The following ATP9B variants were observed in gnomAD, a reference collection of about 807,000 sequenced individuals.
ATP9B encodes the protein probable phospholipid-transporting ATPase IIB.
In ATP9B, 110 loss-of-function variants were observed where a neutral mutation model predicts 146.1. The ratio of observed to expected loss-of-function variants is 0.75; its 90% CI spans 0.65 to 0.88. The LOEUF (loss-of-function observed/expected upper bound fraction) is 0.88, where lower values mean the gene tolerates loss of function less well. Ranked by LOEUF, ATP9B falls within the 40% of genes least tolerant of loss-of-function variation. The pLI is 0.00. For synonymous variants in ATP9B, 604 were observed against 569.7 expected, an observed-to-expected ratio of 1.06 and a Z score of -0.86; for missense variants, 1,499 against 1,496.4, an observed-to-expected ratio of 1.00 and a Z score of -0.03.
intron 10 of ATP9B, among the ~76,000 whole-genome samples, chr18:79,209,898 A>G (rs2095568066): frequency 1.3e-5 from 2 of 152,244 alleles, no homozygotes; most frequent in African/African-American, 4.8e-5. Context: ...TTTCCAGAGT[A>G]ACCTAGGCAC....
intron 15 of ATP9B, among the ~76,000 whole-genome samples, chr18:79,326,955 C>T (rs1489252434): frequency 1.3e-5 from 2 of 152,182 alleles, no homozygotes; most frequent in South Asian, 2.1e-4. Flanking sequence ...TGCCTCGGCA[C>T]GGCCATTCTG....
chr18:79,155,206 G>GAC (rs1336925922), intron 7 of ATP9B, among the ~76,000 whole-genome samples: 1 of 152,168 alleles, frequency 6.6e-6, no homozygotes, highest in Non-Finnish European at 1.5e-5. Flanking sequence ...TGCATACATT[G>GAC]ACAGCAATAA....
chr18:79,188,946 G>GT (rs145781206), intron 8 of ATP9B, among the ~76,000 whole-genome samples: 4,339 of 150,708 alleles, frequency 0.029, 221 homozygotes, highest in African/African-American at 0.1. Flanking sequence ...TTTAACTAGA[G>GT]TTTTTTAACT....
chr18:79,316,430 A>C (rs956517730), intron 15 of ATP9B, among the ~76,000 whole-genome samples: 2 of 152,190 alleles, frequency 1.3e-5, no homozygotes, highest in African/African-American at 4.8e-5. Context: ...TCCACCCCTC[A>C]GCAGCCTTCT....
At chr18:79,086,680 T>A (rs1709109603) in intron 1 of ATP9B, among the ~76,000 whole-genome samples, 1 of 152,148 alleles carries the variant, frequency 6.6e-6, no homozygotes, top group Non-Finnish European at 1.5e-5. Context: ...TTAACTCTAA[T>A]TCAGAAGTTT....
chr18:79,154,637 G>A (rs2094746002), intron 7 of ATP9B, 82 bp downstream of exon 7: 2 of 904,934 alleles, frequency 2.2e-6, no homozygotes, highest in South Asian at 4.6e-5. Flanking sequence ...AGGAAAAACT[G>A]TTTTCCTTAC....
chr18:79,196,925 G>A (rs1219110531), intron 9 of ATP9B, among the ~76,000 whole-genome samples: 1 of 152,100 alleles, frequency 6.6e-6, no homozygotes, highest in African/African-American at 2.4e-5. Context: ...GTTCCCAGTG[G>A]GTCAGGTGGA....
At chr18:79,292,269 C>CT (rs1247294004) in intron 13 of ATP9B, among the ~76,000 whole-genome samples, 37 of 152,282 alleles carry the variant, frequency 2.4e-4, no homozygotes, top group Non-Finnish European at 4.7e-4. Flanking sequence ...GAGCAAAACT[C>CT]TCTCTGTATG....
At chr18:79,106,476 A>C (rs1321977630) in intron 2 of ATP9B, among the ~76,000 whole-genome samples, 1 of 152,140 alleles carries the variant, frequency 6.6e-6, no homozygotes, top group Non-Finnish European at 1.5e-5. Flanking sequence ...TCCCCTGTAT[A>C]GTGGTTTCTG....
intron 7 of ATP9B, among the ~76,000 whole-genome samples, chr18:79,162,062 A>G (rs1317804562): frequency 6.6e-6 from 1 of 152,244 alleles, no homozygotes; most frequent in African/African-American, 2.4e-5. Context: ...TTTTGTATCT[A>G]CTAACAGTTT....
At chr18:79,146,678 C>T (rs192288131) in intron 6 of ATP9B, 1 of 231,762 alleles carries the variant, frequency 4.3e-6, no homozygotes, top group Admixed American at 5.3e-5. Flanking sequence ...TCGGAGTGTT[C>T]TCATCTGTCT....
chr18:79,279,738 A>C (rs1284017391), intron 13 of ATP9B, among the ~76,000 whole-genome samples: 2 of 152,206 alleles, frequency 1.3e-5, no homozygotes, highest in East Asian at 3.8e-4. Context: ...TTAAGACCGA[A>C]ATACATAGGC....
At chr18:79,296,629 C>A (rs933628911) in intron 13 of ATP9B, among the ~76,000 whole-genome samples, 2 of 152,162 alleles carry the variant, frequency 1.3e-5, no homozygotes, top group East Asian at 1.9e-4. Context: ...TCATCCAGGG[C>A]AGAAACAGTA....
intron 11 of ATP9B, among the ~76,000 whole-genome samples, chr18:79,225,877 CGTCTG>C: frequency 6.0e-5 from 7 of 115,738 alleles, no homozygotes; most frequent in African/African-American, 1.2e-4. Flanking sequence ...CTGTCTTCAG[CGTCTG>C]AGTGACTGTT....
In ATP9B at chr18:79,247,881, G is replaced by A. The variant is rs148845337; in HGVS notation, c.1108-5500G>A. On this transcript the variant is annotated intron_variant, in intron 11 of 29. Transcript: ENST00000426216. Reference sequence around the variant, plus strand: ...GAATAGGCAAAATGTTAAATTTCTTGGTAGGCAAACATGTAGGTTATGAAA... The same window carrying A: ...GAATAGGCAAAATGTTAAATTTCTTAGTAGGCAAACATGTAGGTTATGAAA... Among the ~76,000 whole-genome samples, 648 of 152,234 alleles carry A rather than the reference G, an allele frequency of 4.3e-3. 4 individuals are homozygous for A. Among genetic ancestry groups the A allele is most frequent in the African/African-American group, 0.014 (596 of 41,530 alleles).
At chr18:79,257,037 C>T (rs565519289) in intron 12 of ATP9B, among the ~76,000 whole-genome samples, 212 of 152,308 alleles carry the variant, frequency 1.4e-3, no homozygotes, top group African/African-American at 4.9e-3. Context: ...CAGGGGCTCA[C>T]GCCTGTAATC....
At chr18:79,301,318 C>G (rs2096588908) in intron 13 of ATP9B, among the ~76,000 whole-genome samples, 1 of 152,126 alleles carries the variant, frequency 6.6e-6, no homozygotes, top group Non-Finnish European at 1.5e-5. Flanking sequence ...ATGGTGAAAC[C>G]CTGGCTCTAC....
intron 6 of ATP9B, chr18:79,145,389 A>C (rs112220230): frequency 8.8e-6 from 1 of 113,314 alleles, no homozygotes; most frequent in African/African-American, 4.5e-5. Flanking sequence ...AGAGTGACTG[A>C]AGGTGCAAGC....
intron 5 of ATP9B, among the ~76,000 whole-genome samples, chr18:79,130,069 A>G (rs1188914785): frequency 1.3e-5 from 2 of 152,202 alleles, no homozygotes; most frequent in Non-Finnish European, 2.9e-5. Flanking sequence ...AAAAAACATT[A>G]CAAAGCATGC....
Sources: gnomAD v4.1 joint callset for allele counts (sites outside exome capture counted in the v4.1 genomes callset) on GRCh38, gnomAD v4.1.1 for gene constraint, MANE v1.5 for transcripts, NCBI Gene and HGNC (gene_info 2026-07-23, HGNC 2026-07-21) for gene names.